HLA-DOB: variants seen among roughly 807,000 people sequenced by gnomAD.
HLA-DOB encodes the protein major histocompatibility complex, class II, DO beta, also known as HLA class II histocompatibility antigen, DO beta chain.
HLA-DOB carries 25 observed loss-of-function variants against 27.7 expected under a neutral mutation model. The observed-to-expected ratio is 0.90, with a 90% CI of 0.66 to 1.26. The LOEUF (loss-of-function observed/expected upper bound fraction) is 1.26. Among genes scored for constraint, HLA-DOB ranks in the 50% most tolerant of loss-of-function variants. HLA-DOB has a pLI of 0.00. For synonymous variants in HLA-DOB, 137 were observed against 125.6 expected, an observed-to-expected ratio of 1.09 and a Z score of -0.61; for missense variants, 306 against 324.9, an observed-to-expected ratio of 0.94 and a Z score of 0.45.
In HLA-DOB at chr6:32,814,524, C is replaced by T. The variant is rs1364185923; in HGVS notation, c.439G>A (p.Gly147Ser). 1.2e-6 allele frequency: 2 copies of T among 1,612,940 alleles called. No homozygotes were observed. The highest frequency in any genetic ancestry group is 1.1e-5 in the South Asian group (1 of 91,078). The stretch of plus-strand genomic sequence containing the variant: ...ATCTTGATATCCCCTGGATAGAAGC[C>T]TGTCACAGAGCAGTGCAGCAGATTA... The part of the protein sequence containing the change: ...QHNLLHCSVT[G>S]FYPGDIKIKW... The change falls in exon 3 of 6, where the codon GGC (glycine) becomes AGC (serine). Residue 147 changes from glycine (G) to serine (S), a missense_variant. Coordinates refer to ENST00000438763, the MANE Select transcript of HLA-DOB (RefSeq NM_002120.4).
intron 2 of HLA-DOB, 108 bp from the exon 3 acceptor site, chr6:32,814,709 G>T: frequency 9.3e-7 from 1 of 1,070,860 alleles, no homozygotes; most frequent in Non-Finnish European, 1.4e-6. Flanking sequence ...GATCACCCAA[G>T]TGAACACAAA....
intron 1 of HLA-DOB, 105 bp downstream of exon 1, chr6:32,816,756 G>T: frequency 2.3e-6 from 2 of 872,884 alleles, no homozygotes; most frequent in Non-Finnish European, 3.6e-6. Flanking sequence ...GAAACCAAAA[G>T]CCACTTCCAG....
chr6:32,816,899 C>T lies in HLA-DOB; in HGVS notation c.53G>A (p.Arg18Gln), dbSNP rs2071554. The T allele has an allele frequency of 0.053, 85,840 of 1,612,446 alleles. 3,344 individuals carry two copies. The highest frequency in any genetic ancestry group is 0.17 in the African/African-American group (12,726 of 74,896). Residue 18 changes from arginine (R) to glutamine (Q), a missense_variant, in exon 1 of 6, where the codon CGA (arginine) becomes CAA (glutamine). By Grantham distance (43) the Arg-to-Gln change is conservative. Transcript: ENST00000438763. The stretch of plus-strand genomic sequence containing the variant: ...GCCTTGAGTCATGGAGGAATCCAGT[C>T]GGGTCAGATTCACTAGCAGAGCCAC... ...WVVALLVNLT[R>Q]LDSSMTQGTD... is the part of the protein sequence containing the mutation.
intron 4 of HLA-DOB, 56 bp downstream of exon 4, chr6:32,813,667 G>A (rs1562302250): frequency 3.3e-6 from 4 of 1,226,820 alleles, no homozygotes; most frequent in Non-Finnish European, 3.5e-6. Context: ...GTTAGGGAAG[G>A]TGGGAGTGGG....
rs1767850067 is a variant in HLA-DOB at position 32,812,860 on chromosome 6, G to A, written c.*356C>T. ...CCTGAGCATTTGTCTTCTGAAGACT[G>A]TGGAGACTGCAGTTGGAAGACAGAA... On this transcript the variant is annotated 3_prime_UTR_variant, in exon 6 of 6. Coordinates refer to ENST00000438763, the MANE Select transcript of HLA-DOB (RefSeq NM_002120.4). 6.7e-6 allele frequency: 2 copies of A among 297,838 alleles called. No individual in the cohort carries two copies. The highest frequency in any genetic ancestry group is 9.2e-5 in the Admixed American group (2 of 21,742). The allele number at this position is 297,838 out of a possible 1,614,324, so 18.4% of individuals were successfully genotyped here.
intron 1 of HLA-DOB, 96 bp from the exon 2 acceptor site, chr6:32,815,409 C>T (rs1767977928): frequency 7.7e-7 from 1 of 1,291,598 alleles, no homozygotes; most frequent in African/African-American, 1.5e-5. Context: ...TAAGAGGAGG[C>T]CTTTGACCTC....
intron 3 of HLA-DOB, 57 bp from the exon 4 acceptor site, chr6:32,813,890 T>C (rs1436601593): frequency 1.9e-6 from 2 of 1,063,440 alleles, no homozygotes; most frequent in Non-Finnish European, 2.8e-6. Context: ...AAGCACTTTC[T>C]TGGAATCCCA....
At chr6:32,813,362 A>G in intron 5 of HLA-DOB, 78 bp downstream of exon 5, 1 of 1,584,296 alleles carries the variant, frequency 6.3e-7, no homozygotes, top group Non-Finnish European at 8.7e-7. Flanking sequence ...ACTCCTCCCT[A>G]CCCCCATGTC....
intron 1 of HLA-DOB, 82 bp from the exon 2 acceptor site, chr6:32,815,395 G>A: frequency 2.7e-6 from 4 of 1,480,900 alleles, no homozygotes; most frequent in Non-Finnish European, 3.7e-6. Flanking sequence ...AGACCACATG[G>A]ATCTAAGAGG....
intron 3 of HLA-DOB, 103 bp from the exon 4 acceptor site, chr6:32,813,936 G>C: frequency 5.3e-6 from 4 of 757,346 alleles, no homozygotes; most frequent in Admixed American, 2.8e-5. Flanking sequence ...ATGCTAGCTA[G>C]AGAAAAATAA....
At chr6:32,816,458 C>A (rs1768023468) in intron 1 of HLA-DOB, among the ~76,000 whole-genome samples, 1 of 152,182 alleles carries the variant, frequency 6.6e-6, no homozygotes, top group African/African-American at 2.4e-5. Flanking sequence ...TCCACATATA[C>A]CCCAACTGAG....
In HLA-DOB at chr6:32,812,825, A is replaced by G; in HGVS notation, c.*391T>C. On this transcript the variant is annotated 3_prime_UTR_variant, in exon 6 of 6. Coordinates refer to ENST00000438763, the MANE Select transcript of HLA-DOB (RefSeq NM_002120.4). The stretch of plus-strand genomic sequence containing the variant: ...GGTTTTTAAAAACAGTGAAAAGGAA[A>G]CAGTGACTACCTGAGCATTTGTCTT... 4.6e-6 allele frequency: 1 copy of G among 215,144 alleles called. No individual in the cohort carries two copies. 13.3% of individuals were successfully genotyped at this position (215,144 alleles called of 1,614,324 possible). A position where few individuals can be genotyped will look rare whatever the true frequency, so the allele number is the denominator to read the frequency against.
intron 1 of HLA-DOB, among the ~76,000 whole-genome samples, chr6:32,815,560 T>G (rs2856995): frequency 6.6e-6 from 1 of 152,144 alleles, no homozygotes; most frequent in South Asian, 2.1e-4. Context: ...ACTTAGAGAC[T>G]TACCAGACAC....
rs750937791 is a variant in HLA-DOB, at chr6:32,814,649, T to G, written c.362-48A>C. Reference sequence around the variant, plus strand: ...ACACCGTGAAAGAAAACCACCAAGCTGGGACAGGAGATTCTTTAGGGACTA... The same window carrying G: ...ACACCGTGAAAGAAAACCACCAAGCGGGGACAGGAGATTCTTTAGGGACTA... On this transcript the variant is annotated intron_variant, in intron 2 of 5. Coordinates refer to ENST00000438763, the MANE Select transcript of HLA-DOB (RefSeq NM_002120.4). 4.4e-4 allele frequency: 662 copies of G among 1,520,518 alleles called. 1 individual carries two copies. The highest frequency in any genetic ancestry group is 5.3e-4 in the Non-Finnish European group (589 of 1,104,016). The allele number at this position is 1,520,518 out of a possible 1,614,324, so 94.2% of individuals were successfully genotyped here. A position where few individuals can be genotyped will look rare whatever the true frequency, so the allele number is the denominator to read the frequency against.
At position 32,814,577 on chromosome 6, in the gene HLA-DOB, G is replaced by A. The variant is rs1418048240; in HGVS notation, c.386C>T (p.Pro129Leu). The stretch of plus-strand genomic sequence containing the variant: ...CTGGTGCAGGAGTGGGGTCCTCTCT[G>A]GGTACACTGTCACCTCTGGTTGCAC... ...RKVQPEVTVY[P>L]ERTPLLHQHN... is the part of the protein sequence containing the mutation. The change falls in exon 3 of 6, where the codon CCA (proline) becomes CTA (leucine). Residue 129 changes from proline to leucine, a missense_variant. Physicochemically the swap from Pro to Leu is moderately conservative, Grantham distance 98. Coordinates refer to ENST00000438763, the MANE Select transcript of HLA-DOB (RefSeq NM_002120.4). 6.2e-7 allele frequency: 1 copy of A among 1,612,598 alleles called. No homozygotes were observed. Among genetic ancestry groups the A allele is most frequent in the Non-Finnish European group, 8.5e-7 (1 of 1,179,762 alleles).
chr6:32,815,348 C>T (rs562478204), intron 1 of HLA-DOB, 35 bp from the exon 2 acceptor site: 2 of 1,612,126 alleles, frequency 1.2e-6, no homozygotes, highest in African/African-American at 1.3e-5. Flanking sequence ...GAACCAGCCC[C>T]CTCCTCTGGG....
Position 32,816,994 on chromosome 6 carries a change from C to T in HLA-DOB, c.-43G>A, listed in dbSNP as rs1768048258. 7.0e-7 allele frequency: 1 copy of T among 1,420,342 alleles called. No homozygotes were observed. Among genetic ancestry groups the T allele is most frequent in the East Asian group, 2.3e-5 (1 of 44,018 alleles). The allele number at this position is 1,420,342 out of a possible 1,614,324, so 88.0% of individuals were successfully genotyped here. On this transcript the variant is annotated 5_prime_UTR_variant, in exon 1 of 6. Coordinates refer to ENST00000438763, the MANE Select transcript of HLA-DOB (RefSeq NM_002120.4). ...AATGAGATAGTAAAATCGTCAGCCT[C>T]TTCAGAATGAGCTCATAAAATTCAG...
At chr6:32,813,299 C>G (rs17220087) in intron 5 of HLA-DOB, 48 bp from the exon 6 acceptor site, 9 of 1,609,256 alleles carry the variant, frequency 5.6e-6, no homozygotes, top group East Asian at 2.2e-5. Flanking sequence ...CACCACCCCC[C>G]ACAGCCGTTC....
Position 32,812,907 on chromosome 6 carries a change from T to C in HLA-DOB, c.*309A>G, listed in dbSNP as rs557195146. The stretch of plus-strand genomic sequence containing the variant: ...AGAAAGCTTTGGAGATCATGACTTA[T>C]AGGAGTAGGGCTGGACCACAGAAAA... On this transcript the variant is annotated 3_prime_UTR_variant, in exon 6 of 6. Coordinates refer to ENST00000438763, the MANE Select transcript of HLA-DOB (RefSeq NM_002120.4). 4.6e-6 allele frequency: 2 copies of C among 430,324 alleles called. No individual in the cohort carries two copies. Among genetic ancestry groups the C allele is most frequent in the East Asian group, 7.5e-5 (2 of 26,552 alleles). 26.7% of individuals were successfully genotyped at this position (430,324 alleles called of 1,614,324 possible).
Sources: gnomAD v4.1 joint callset for allele counts (sites outside exome capture counted in the v4.1 genomes callset) on GRCh38, gnomAD v4.1.1 for gene constraint, MANE v1.5 for transcripts, NCBI Gene and HGNC (gene_info 2026-07-23, HGNC 2026-07-21) for gene names.